The following AGBL1 variants were observed in gnomAD, a reference collection of about 807,000 sequenced individuals.
AGBL1 encodes AGBL carboxypeptidase 1.
AGBL1 carries 130 observed loss-of-function variants against 118.9 expected under a neutral mutation model. That is an observed-to-expected ratio of 1.09 (90% confidence interval 0.95 to 1.26). The LOEUF is 1.26. AGBL1 is among the 50% of genes most tolerant of loss of function. The pLI, the probability that AGBL1 is intolerant of heterozygous loss-of-function variation, is 0.00. For synonymous variants in AGBL1, 555 were observed against 478.9 expected (o/e 1.16, Z -2.08); for missense variants, 1,584 against 1,298.1 (o/e 1.22, Z -3.38).
intron 24 of AGBL1, among the ~76,000 whole-genome samples, chr15:87,024,354 T>TACATGC (rs998101617): frequency 1.6e-4 from 25 of 152,016 alleles, no homozygotes; most frequent in Non-Finnish European, 3.4e-4. Flanking sequence ...TGAACATCTT[T>TACATGC]ACATGCATAA....
At chr15:86,528,301 G>A (rs868152312) in intron 19 of AGBL1, among the ~76,000 whole-genome samples, 1 of 152,222 alleles carries the variant, frequency 6.6e-6, no homozygotes, top group Non-Finnish European at 1.5e-5. Context: ...CCTGGGAAGC[G>A]CAAGGGGTCA....
downstream of AGBL1, among the ~76,000 whole-genome samples, chr15:87,030,726 A>G (rs866254550): frequency 5.3e-5 from 8 of 151,994 alleles, no homozygotes; most frequent in South Asian, 6.2e-4. Flanking sequence ...TATTGAGCAC[A>G]TTTACCAATT....
chr15:86,456,806 C>T (rs12905821), intron 18 of AGBL1, among the ~76,000 whole-genome samples: 69,830 of 151,834 alleles, frequency 0.46, 16,868 homozygotes, highest in Middle Eastern at 0.57. Context: ...TCAGTTTTAC[C>T]GGATTGGTTT....
At chr15:86,887,719 T>G (rs908758373) in intron 22 of AGBL1, among the ~76,000 whole-genome samples, 8 of 152,162 alleles carry the variant, frequency 5.3e-5, no homozygotes, top group Non-Finnish European at 1.0e-4. Context: ...CAAGATTCTT[T>G]TAGCCGCAGA....
At chr15:86,818,927 G>A (rs1267761911) in intron 22 of AGBL1, among the ~76,000 whole-genome samples, 1 of 152,066 alleles carries the variant, frequency 6.6e-6, no homozygotes, top group Non-Finnish European at 1.5e-5. Flanking sequence ...GGATTAAATG[G>A]CATGAAACAT....
intron 22 of AGBL1, among the ~76,000 whole-genome samples, chr15:86,695,300 A>G (rs2142621510): frequency 6.6e-6 from 1 of 151,970 alleles, no homozygotes; most frequent in African/African-American, 2.4e-5. Flanking sequence ...AGGGTTTCTA[A>G]TTCTTCCTGA....
chr15:86,195,391 G>A (rs762305172), intron 5 of AGBL1, among the ~76,000 whole-genome samples: 1 of 152,024 alleles, frequency 6.6e-6, no homozygotes, highest in Non-Finnish European at 1.5e-5. Flanking sequence ...TGAAGGTGAG[G>A]TCATGTTGTA....
At chr15:86,897,483 C>A (rs2080144714) in intron 22 of AGBL1, among the ~76,000 whole-genome samples, 1 of 151,770 alleles carries the variant, frequency 6.6e-6, no homozygotes. Context: ...CATCTATTAT[C>A]TTCTCTCCTA....
At chr15:86,307,817 C>A (rs1032856071) in intron 17 of AGBL1, among the ~76,000 whole-genome samples, 1 of 151,858 alleles carries the variant, frequency 6.6e-6, no homozygotes, top group Non-Finnish European at 1.5e-5. Flanking sequence ...AACATATAGA[C>A]CTAGATTAAA....
chr15:86,846,244 GT>G (rs1311976153), intron 22 of AGBL1, among the ~76,000 whole-genome samples: 1 of 152,070 alleles, frequency 6.6e-6, no homozygotes, highest in East Asian at 1.9e-4. Flanking sequence ...GCAATGTCTT[GT>G]TTTCATTTTT....
chr15:86,082,380 G>A (rs1895345843), intron 1 of AGBL1, among the ~76,000 whole-genome samples: 1 of 152,212 alleles, frequency 6.6e-6, no homozygotes, highest in African/African-American at 2.4e-5. Flanking sequence ...ACAGACAGAA[G>A]GCTTTGAATT....
At chr15:86,823,318 A>G (rs1214360442) in intron 22 of AGBL1, among the ~76,000 whole-genome samples, 1 of 152,168 alleles carries the variant, frequency 6.6e-6, no homozygotes, top group African/African-American at 2.4e-5. Flanking sequence ...TATGTCTGAG[A>G]ATCTTTAATC....
intron 21 of AGBL1, among the ~76,000 whole-genome samples, chr15:86,647,304 A>C (rs190073241): frequency 1.3e-5 from 2 of 152,360 alleles, no homozygotes; most frequent in Non-Finnish European, 2.9e-5. Flanking sequence ...TAATGATCTA[A>C]ATAAATGTTG....
intron 22 of AGBL1, among the ~76,000 whole-genome samples, chr15:86,721,836 A>T (rs1188439633): frequency 1.3e-5 from 2 of 152,224 alleles, no homozygotes; most frequent in Non-Finnish European, 2.9e-5. Flanking sequence ...ATGTACAAAA[A>T]TCACAAGCAT....
chr15:86,080,933 G>GTGTT lies in AGBL1; in HGVS notation c.51+910_51+911insTGTT, dbSNP rs199530885. ...AGGGGTCACAAGATGATGGGCTTGT[G>GTGTT]GGGGCGGGGGGGGGTCCATGACCCC... On this transcript the variant is annotated intron_variant, in intron 1 of 22. Transcript: ENST00000614907. 4.1e-4 allele frequency among the ~76,000 whole-genome samples: 62 copies of GTGTT among 151,142 alleles called. 2 individuals are homozygous for GTGTT. Among genetic ancestry groups the GTGTT allele is most frequent in the East Asian group, 2.3e-3 (12 of 5,156 alleles).
intron 17 of AGBL1, among the ~76,000 whole-genome samples, chr15:86,359,515 C>G (rs192667560): frequency 7.5e-4 from 107 of 142,210 alleles, no homozygotes; most frequent in Non-Finnish European, 1.3e-3. Flanking sequence ...AGATTGATTT[C>G]TCTATTCACA....
At chr15:86,115,587 G>A (rs1885456473) in intron 1 of AGBL1, among the ~76,000 whole-genome samples, 1 of 152,108 alleles carries the variant, frequency 6.6e-6, no homozygotes. Flanking sequence ...CCCAGATACC[G>A]CTTAGTCACC....
intron 21 of AGBL1, among the ~76,000 whole-genome samples, chr15:86,560,247 C>T (rs1321789395): frequency 2.0e-5 from 3 of 151,744 alleles, no homozygotes; most frequent in Middle Eastern, 3.4e-3. Flanking sequence ...CCCATTAACT[C>T]GTCATTTACA....
chr15:86,264,707 T>C lies in AGBL1; in HGVS notation c.1536T>C (p.Tyr512=), dbSNP rs1212186349. 5 of 1,613,894 alleles carry C rather than the reference T, an allele frequency of 3.1e-6. No individual in the cohort carries two copies. Among genetic ancestry groups the C allele is most frequent in the Non-Finnish European group, 4.2e-6 (5 of 1,179,898 alleles). Residue 512 remains tyrosine, a synonymous_variant, in exon 11 of 23, where the codon TAT becomes TAC. Coordinates refer to ENST00000614907, the MANE Select transcript of AGBL1 (RefSeq NM_001386094.1). ...HLKRVPFHDP[Y]LYMAKARRTS... ...AGCGTGTCCCTTTCCACGATCCCTA[T>C]CTTTATATGGCCAAAGCCAGAAGAA... is the stretch of plus-strand genomic sequence containing the variant.
Sources: gnomAD v4.1 joint callset for allele counts (sites outside exome capture counted in the v4.1 genomes callset) on GRCh38, gnomAD v4.1.1 for gene constraint, MANE v1.5 for transcripts, NCBI Gene and HGNC (gene_info 2026-07-23, HGNC 2026-07-21) for gene names.